The following ADAMTS14 variants were observed in gnomAD, a reference collection of about 807,000 sequenced individuals.
ADAMTS14 encodes ADAM metallopeptidase with thrombospondin type 1 motif 14, also known as A disintegrin and metalloproteinase with thrombospondin motifs 14.
In ADAMTS14, 100 loss-of-function variants were observed where a neutral mutation model predicts 128.6. That is an observed-to-expected ratio of 0.78 (90% CI 0.66 to 0.92). The LOEUF (loss-of-function observed/expected upper bound fraction) is 0.92. Ranked by LOEUF, ADAMTS14 falls within the 40% of genes least tolerant of loss-of-function variation. ADAMTS14 has a pLI of 0.00. For synonymous variants in ADAMTS14, 665 were observed against 653.8 expected (o/e 1.02, Z -0.26); for missense variants, 1,562 against 1,658.6 (o/e 0.94, Z 1.01).
rs929968448 is a variant in ADAMTS14, at chr10:70,732,261, A to G, written c.1110A>G (p.Ala370=). ...TRQDFGPSGY[A]PVTGMCHPLR... The stretch of plus-strand genomic sequence containing the variant: ...TCTTTCTCTCTTCGGCAGGGTATGC[A>G]CCCGTCACTGGCATGTGTCACCCCC... Residue 370 remains alanine, a synonymous_variant, in exon 7 of 22, where the codon GCA becomes GCG. Transcript: ENST00000373207. The G allele has an allele frequency of 6.2e-6, 10 of 1,613,920 alleles. No individual in the cohort carries two copies. The highest frequency in any genetic ancestry group is 1.3e-5 in the African/African-American group (1 of 74,906).
At chr10:70,694,190 G>A (rs776303628) in intron 2 of ADAMTS14, among the ~76,000 whole-genome samples, 3 of 152,224 alleles carry the variant, frequency 2.0e-5, no homozygotes, top group Non-Finnish European at 2.9e-5. Flanking sequence ...TCCCGCTTCC[G>A]TGGTAGCAGG....
chr10:70,704,556 A>G (rs112819137), intron 3 of ADAMTS14, among the ~76,000 whole-genome samples: 19,795 of 149,880 alleles, frequency 0.13, 1,508 homozygotes, highest in Middle Eastern at 0.24. Flanking sequence ...CACACCATCT[A>G]TACCCTCATG....
At chr10:70,676,393 T>C (rs1047127770) in intron 2 of ADAMTS14, among the ~76,000 whole-genome samples, 1 of 152,238 alleles carries the variant, frequency 6.6e-6, no homozygotes, top group Non-Finnish European at 1.5e-5. Flanking sequence ...AAAGGTGTAA[T>C]ATTTTTGCCT....
chr10:70,692,607 G>T (rs1472502690), intron 2 of ADAMTS14, among the ~76,000 whole-genome samples: 3 of 152,250 alleles, frequency 2.0e-5, no homozygotes, highest in Non-Finnish European at 4.4e-5. Context: ...TGCCGAAAAG[G>T]TGTGCCTTTT....
intron 2 of ADAMTS14, among the ~76,000 whole-genome samples, chr10:70,689,840 A>C (rs944111380): frequency 6.9e-6 from 1 of 144,982 alleles, no homozygotes; most frequent in African/African-American, 2.4e-5. Flanking sequence ...ATTCCTCCCC[A>C]GGGACTGCCA....
At chr10:70,750,600 G>A (rs1349156433) in intron 16 of ADAMTS14, among the ~76,000 whole-genome samples, 1 of 152,210 alleles carries the variant, frequency 6.6e-6, no homozygotes, top group African/African-American at 2.4e-5. Context: ...CAGCTGGGGG[G>A]CTCCTGGAGG....
chr10:70,728,448 A>G (rs1841513708), intron 4 of ADAMTS14, among the ~76,000 whole-genome samples: 1 of 152,230 alleles, frequency 6.6e-6, no homozygotes, highest in Admixed American at 6.5e-5. Context: ...TTAAAACAAA[A>G]AAGCTGGAGT....
intron 15 of ADAMTS14, among the ~76,000 whole-genome samples, chr10:70,749,617 G>GTGTGT (rs1421756920): frequency 2.0e-5 from 3 of 150,862 alleles, no homozygotes; most frequent in Admixed American, 2.0e-4. Context: ...GAGTGTGTGT[G>GTGTGT]TGTGTGTGTG....
At chr10:70,742,584 G>A (rs1387152346) in intron 12 of ADAMTS14, among the ~76,000 whole-genome samples, 1 of 152,238 alleles carries the variant, frequency 6.6e-6, no homozygotes, top group Non-Finnish European at 1.5e-5. Flanking sequence ...TTAGTAATTG[G>A]CTGAGGGAAT....
intron 10 of ADAMTS14, among the ~76,000 whole-genome samples, chr10:70,738,549 C>T (rs567455035): frequency 1.3e-5 from 2 of 152,264 alleles, no homozygotes; most frequent in East Asian, 3.9e-4. Context: ...CCGGGTGTGC[C>T]GATAATTGCA....
chr10:70,722,653 A>C (rs1020703453), intron 4 of ADAMTS14, among the ~76,000 whole-genome samples: 1 of 152,212 alleles, frequency 6.6e-6, no homozygotes, highest in Non-Finnish European at 1.5e-5. Context: ...GTTAAAAAAC[A>C]TACCCCAAAT....
At chr10:70,700,538 G>GA (rs1163369235) in intron 2 of ADAMTS14, among the ~76,000 whole-genome samples, 1 of 152,206 alleles carries the variant, frequency 6.6e-6, no homozygotes, top group Admixed American at 6.5e-5. Context: ...GAGGGAGGAT[G>GA]AAGCTGGTGT....
chr10:70,756,257 T>C (rs1314973690), intron 19 of ADAMTS14, among the ~76,000 whole-genome samples: 1 of 152,210 alleles, frequency 6.6e-6, no homozygotes, highest in East Asian at 1.9e-4. Flanking sequence ...GTTTTGTGAA[T>C]AACTCCATAC....
At chr10:70,686,843 C>CA (rs1839974727) in intron 2 of ADAMTS14, among the ~76,000 whole-genome samples, 1 of 78,494 alleles carries the variant, frequency 1.3e-5, no homozygotes, top group South Asian at 6.9e-4. Context: ...AGGCGCCCCT[C>CA]ACCTCCCGGA....
At chr10:70,691,487 T>TAAAAAA (rs11373533) in intron 2 of ADAMTS14, among the ~76,000 whole-genome samples, 2 of 86,692 alleles carry the variant, frequency 2.3e-5, no homozygotes, top group East Asian at 6.3e-4. Flanking sequence ...GAGACCCTGT[T>TAAAAAA]AAAAAAAAAA....
intron 2 of ADAMTS14, 106 bp downstream of exon 2, chr10:70,675,101 G>T: frequency 7.4e-7 from 1 of 1,356,450 alleles, no homozygotes; most frequent in Non-Finnish European, 1.0e-6. Flanking sequence ...CCAAGGCAGG[G>T]GTGGTGCTGC....
intron 7 of ADAMTS14, 84 bp downstream of exon 7, chr10:70,732,443 A>G: frequency 7.6e-7 from 1 of 1,309,966 alleles, no homozygotes; most frequent in East Asian, 2.4e-5. Flanking sequence ...GGATTTGCCC[A>G]GCTTGGCCTG....
At position 70,674,608 on chromosome 10, in the gene ADAMTS14, C is replaced by CA. The variant is rs1491276356; in HGVS notation, c.136dup (p.Thr46AsnfsTer127). ...ACTATGGTGTGACAGTGCCCTGCAGCACAGACTTTCGGGGACGCTTCCTCT... is the reference window on the plus strand; with the variant it reads ...ACTATGGTGTGACAGTGCCCTGCAGCAACAGACTTTCGGGGACGCTTCCTCT... On this transcript the variant is annotated frameshift_variant, in exon 2 of 22. Transcript: ENST00000373207. LOFTEE classifies it high-confidence loss of function. The CA allele has an allele frequency of 6.2e-7, 1 of 1,614,008 alleles. No homozygotes were observed. The highest frequency in any genetic ancestry group is 2.2e-5 in the East Asian group (1 of 44,886).
At chr10:70,681,493 A>C (rs1381059164) in intron 2 of ADAMTS14, among the ~76,000 whole-genome samples, 1 of 152,344 alleles carries the variant, frequency 6.6e-6, no homozygotes, top group East Asian at 1.9e-4. Flanking sequence ...CCCTGGCATC[A>C]TGGGGAGCCA....
Sources: gnomAD v4.1 joint callset for allele counts (sites outside exome capture counted in the v4.1 genomes callset) on GRCh38, gnomAD v4.1.1 for gene constraint, MANE v1.5 for transcripts, NCBI Gene and HGNC (gene_info 2026-07-23, HGNC 2026-07-21) for gene names.